Variants in MYH9 observed in about 807,000 individuals in gnomAD.
MYH9 encodes myosin heavy chain 9.
Under a neutral mutation model 241.9 loss-of-function variants are expected in MYH9, and 29 were observed. That is an observed-to-expected ratio of 0.12 (90% CI 0.09 to 0.16). The LOEUF (loss-of-function observed/expected upper bound fraction) is 0.16, where lower values mean the gene tolerates loss of function less well. MYH9 is among the 10% of genes least tolerant of loss of function. MYH9 has a pLI of 1.00. For synonymous variants in MYH9, 1,047 were observed against 1,062.6 expected (o/e 0.99, Z 0.29); for missense variants, 1,803 against 2,595.5 (o/e 0.69, Z 6.63).
intron 1 of MYH9, chr22:36,364,818 G>A (rs2017986565): frequency 6.6e-6 from 1 of 152,140 alleles, no homozygotes; most frequent in South Asian, 2.1e-4. Context: ...CCGCAGCCAG[G>A]AGGTAGACAG....
Position 36,316,643 on chromosome 22 carries a change from G to A in MYH9, c.1254C>T (p.Ala418=), listed in dbSNP as rs1430983408. The change falls in exon 12 of 41, where the codon GCC becomes GCT. Residue 418 remains alanine (A), a synonymous_variant. Coordinates refer to ENST00000216181, the MANE Select transcript of MYH9 (RefSeq NM_002473.6). ...GGAACATCCGCTCATAGGTCGCCTTGGCCAAGGCCTCGATGGCAAAGTCAG... is the reference window on the plus strand; with the variant it reads ...GGAACATCCGCTCATAGGTCGCCTTAGCCAAGGCCTCGATGGCAAAGTCAG... ...EQADFAIEAL[A]KATYERMFRW... is the part of the protein sequence containing the mutation. 5 of 1,614,032 alleles carry A rather than the reference G, an allele frequency of 3.1e-6. 1 individual carries two copies. The highest frequency in any genetic ancestry group is 2.5e-6 in the Non-Finnish European group (3 of 1,180,040).
intron 12 of MYH9, among the ~76,000 whole-genome samples, chr22:36,315,158 T>C (rs999923782): frequency 2.0e-5 from 3 of 152,014 alleles, no homozygotes; most frequent in Non-Finnish European, 4.4e-5. Flanking sequence ...GATGCATAAA[T>C]GACACTACCA....
intron 40 of MYH9, among the ~76,000 whole-genome samples, chr22:36,283,431 A>AG (rs2016524666): frequency 2.0e-5 from 3 of 151,658 alleles, no homozygotes; most frequent in Admixed American, 6.6e-5. Context: ...CAGCTACTCC[A>AG]GGGGCTGAGG....
Position 36,285,358 on chromosome 22 carries a change from G to A in MYH9, c.5275-29C>T, listed in dbSNP as rs2016562437. ...CAGAAGAAGGGCCAGTGACCTTGGG[G>A]AGGGCTGGGGCCCTGGCTGGAGGGC... is the stretch of plus-strand genomic sequence containing the variant. On this transcript the variant is annotated intron_variant, in intron 37 of 40. Transcript: ENST00000216181. The surrounding 1 kb of genome is among the most constrained non-coding windows in gnomAD (Gnocchi z 7.0). The A allele has an allele frequency of 6.2e-7, 1 of 1,601,372 alleles. No individual in the cohort carries two copies.
In MYH9 at chr22:36,304,167, G is replaced by A. The variant is rs201096382; in HGVS notation, c.2230-12C>T. 33 of 1,613,176 alleles carry A rather than the reference G, an allele frequency of 2.0e-5. No individual in the cohort carries two copies. The East Asian group carries it at 6.7e-4, about 33-fold the overall frequency. Reference sequence around the variant, plus strand: ...TCCAGGGCTTTTATCTAGGTGGGAGGAGCAGGCCGTTTACCTGGCCAGCAA... The same window carrying A: ...TCCAGGGCTTTTATCTAGGTGGGAGAAGCAGGCCGTTTACCTGGCCAGCAA... On this transcript the variant is annotated splice_polypyrimidine_tract_variant and intron_variant, in intron 18 of 40. Transcript: ENST00000216181.
chr22:36,288,231 C>G lies in MYH9; in HGVS notation c.4932+21G>C. ...TCAGTCGGGTGCCGCCCACCCTCACCTGGGCCCCGCCCACCCTTACCTGCA... is the reference window on the plus strand; with the variant it reads ...TCAGTCGGGTGCCGCCCACCCTCACGTGGGCCCCGCCCACCCTTACCTGCA... On this transcript the variant is annotated intron_variant, in intron 34 of 40. Transcript: ENST00000216181. The surrounding 1 kb of genome is among the most constrained non-coding windows in gnomAD (Gnocchi z 4.8). The G allele has an allele frequency of 6.2e-7, 1 of 1,613,120 alleles. No homozygotes were observed. Among genetic ancestry groups the G allele is most frequent in the Non-Finnish European group, 8.5e-7 (1 of 1,179,894 alleles).
At chr22:36,346,867 A>C (rs1652682071) in intron 2 of MYH9, among the ~76,000 whole-genome samples, 1 of 152,136 alleles carries the variant, frequency 6.6e-6, no homozygotes, top group African/African-American at 2.4e-5. Flanking sequence ...TGGCCTCCCA[A>C]GGTCCTGGGA....
At chr22:36,290,745 C>T (rs1276502548) in intron 31 of MYH9, among the ~76,000 whole-genome samples, 3 of 151,364 alleles carry the variant, frequency 2.0e-5, no homozygotes, top group African/African-American at 4.9e-5. Flanking sequence ...AAGTGAGGAG[C>T]GTCTCTGCCC....
At chr22:36,338,358 G>A (rs2017531289) in intron 3 of MYH9, among the ~76,000 whole-genome samples, 1 of 152,136 alleles carries the variant, frequency 6.6e-6, no homozygotes, top group African/African-American at 2.4e-5. Context: ...GAGCTCAAGA[G>A]CTGCAGCAAG....
At chr22:36,331,694 T>C (rs1004114290) in intron 3 of MYH9, among the ~76,000 whole-genome samples, 2 of 152,230 alleles carry the variant, frequency 1.3e-5, no homozygotes, top group African/African-American at 4.8e-5. Flanking sequence ...CAGCAGCCAC[T>C]GCTGGGACTG....
At position 36,293,698 on chromosome 22, in the gene MYH9, G is replaced by T. The variant is rs903092516; in HGVS notation, c.3942+61C>A. ...TCCGATGGGCTCTGAAGCTAATGTT[G>T]CGTGGACACAGAGGCCTTTCTGGAG... is the stretch of plus-strand genomic sequence containing the variant. On this transcript the variant is annotated intron_variant, in intron 29 of 40. Coordinates refer to ENST00000216181, the MANE Select transcript of MYH9 (RefSeq NM_002473.6). The surrounding 1 kb of genome is among the most constrained non-coding windows in gnomAD (Gnocchi z 5.1). The T allele has an allele frequency of 8.2e-6, 12 of 1,460,618 alleles. No individual in the cohort carries two copies. The African/African-American group carries it at 1.3e-4, about 15-fold the overall frequency. 90.5% of individuals were successfully genotyped at this position (1,460,618 alleles called of 1,614,324 possible).
At chr22:36,314,936 A>G (rs1481049068) in intron 12 of MYH9, among the ~76,000 whole-genome samples, 2 of 152,188 alleles carry the variant, frequency 1.3e-5, no homozygotes, top group Non-Finnish European at 2.9e-5. Context: ...GGTGTGAGCC[A>G]CTGCACCAGG....
At chr22:36,286,099 G>A (rs1256396167) in intron 35 of MYH9, 146 bp from the exon 36 acceptor site, 4 of 783,436 alleles carry the variant, frequency 5.1e-6, no homozygotes, top group South Asian at 1.5e-5. Flanking sequence ...TAGCTCACAG[G>A]GCTGGTGCCC....
intron 1 of MYH9, among the ~76,000 whole-genome samples, chr22:36,378,611 T>C (rs564113644): frequency 1.3e-5 from 2 of 152,090 alleles, no homozygotes; most frequent in African/African-American, 2.4e-5. Context: ...ATGTGAAATA[T>C]TGATTTTTCG....
rs559921359 is a variant in MYH9, at chr22:36,288,420, G to A, written c.4771-7C>T. The A allele has an allele frequency of 3.1e-6, 5 of 1,607,826 alleles. No homozygotes were observed. The highest frequency in any genetic ancestry group is 3.3e-5 in the Admixed American group (2 of 60,008). Reference sequence around the variant, plus strand: ...CTGCCTCCATCTCCCGCACCTGGGGGAAGGAACATCAACAACTTGGGAAGC... The same window carrying A: ...CTGCCTCCATCTCCCGCACCTGGGGAAAGGAACATCAACAACTTGGGAAGC... On this transcript the variant is annotated splice_region_variant and splice_polypyrimidine_tract_variant and intron_variant, in intron 33 of 40. Transcript: ENST00000216181. This position sits in a 1 kb window ranked among gnomAD's most constrained non-coding sequence, Gnocchi z 4.8.
At chr22:36,350,504 T>C (rs1413532824) in intron 1 of MYH9, among the ~76,000 whole-genome samples, 1 of 152,194 alleles carries the variant, frequency 6.6e-6, no homozygotes, top group Admixed American at 6.5e-5. Flanking sequence ...GCCATGGCAC[T>C]CCAGCCTGGG....
intron 3 of MYH9, among the ~76,000 whole-genome samples, chr22:36,331,331 G>A (rs1304420914): frequency 6.6e-6 from 1 of 152,210 alleles, no homozygotes; most frequent in Non-Finnish European, 1.5e-5. Context: ...ACCGCCACGA[G>A]AAAGTCTTTC....
intron 1 of MYH9, among the ~76,000 whole-genome samples, chr22:36,375,886 T>A (rs558114017): frequency 1.3e-5 from 2 of 151,664 alleles, no homozygotes; most frequent in East Asian, 1.9e-4. Context: ...TAAAATTTTT[T>A]AAATAAAAGA....
chr22:36,288,213 G>A lies in MYH9; in HGVS notation c.4932+39C>T, dbSNP rs957230993. The A allele has an allele frequency of 3.1e-6, 5 of 1,611,168 alleles. No individual in the cohort carries two copies. The African/African-American group carries it at 4.0e-5, about 13-fold the overall frequency. ...CCTTCATATGTAGTTGGCTCAGTCG[G>A]GTGCCGCCCACCCTCACCTGGGCCC... On this transcript the variant is annotated intron_variant, in intron 34 of 40. Coordinates refer to ENST00000216181, the MANE Select transcript of MYH9 (RefSeq NM_002473.6). The surrounding 1 kb of genome is among the most constrained non-coding windows in gnomAD (Gnocchi z 4.8).
Sources: allele counts gnomAD v4.1 joint callset (sites outside exome capture counted in the v4.1 genomes callset), GRCh38; gene constraint gnomAD v4.1.1; non-coding constraint Gnocchi (gnomAD v3.1); transcripts MANE v1.5; gene names NCBI Gene and HGNC (gene_info 2026-07-23, HGNC 2026-07-21).